The following DNAI7 variants were observed in gnomAD, a reference collection of about 807,000 sequenced individuals.
DNAI7 encodes cancer susceptibility 1.
DNAI7 carries 78 observed loss-of-function variants against 86.6 expected under a neutral mutation model. The observed-to-expected ratio is 0.90, with a 90% confidence interval of 0.75 to 1.09. The LOEUF is 1.09. Among genes scored for constraint, DNAI7 ranks in the 50% least tolerant of loss-of-function variants. DNAI7 has a pLI of 0.00. For missense variants in DNAI7, 753 were observed against 810.2 expected (o/e 0.93, Z 0.86); for synonymous variants, 274 against 273.0 (o/e 1.00, Z -0.04).
At chr12:25,179,608 C>T (rs1592676020) in intron 2 of DNAI7, among the ~76,000 whole-genome samples, 1 of 152,108 alleles carries the variant, frequency 6.6e-6, no homozygotes, top group Middle Eastern at 3.4e-3. Flanking sequence ...TCTTTATCAT[C>T]ATGCAAGGAT....
chr12:25,121,341 G>A (rs1315881070), intron 11 of DNAI7, among the ~76,000 whole-genome samples: 1 of 152,132 alleles, frequency 6.6e-6, no homozygotes, highest in Non-Finnish European at 1.5e-5. Context: ...GTGCCCATTC[G>A]TTTATACACA....
intron 14 of DNAI7, among the ~76,000 whole-genome samples, chr12:25,110,520 C>T (rs1245055704): frequency 2.0e-5 from 3 of 152,196 alleles, no homozygotes; most frequent in Non-Finnish European, 4.4e-5. Context: ...TTTGCTCTCT[C>T]AGTTCCAGGC....
At position 25,184,890 on chromosome 12, in the gene DNAI7, C is replaced by T. The variant is rs12228738; in HGVS notation, c.21+5724G>A. 6.3e-4 allele frequency among the ~76,000 whole-genome samples: 95 copies of T among 150,282 alleles called. 2 individuals carry two copies. The East Asian group carries it at 0.016, about 26-fold the overall frequency. ...ACTCATGCCTGCAATTCCAGCACTT[C>T]GGGAGGTCAAAGCAGAATTGCTTGA... On this transcript the variant is annotated intron_variant, in intron 2 of 15. Transcript: ENST00000395987.
At chr12:25,118,615 G>A (rs1940673688) in intron 12 of DNAI7, among the ~76,000 whole-genome samples, 1 of 151,824 alleles carries the variant, frequency 6.6e-6, no homozygotes, top group African/African-American at 2.4e-5. Flanking sequence ...AGGATGGAGT[G>A]CAGTGGCACC....
At chr12:25,181,304 T>TG (rs202197122) in intron 2 of DNAI7, among the ~76,000 whole-genome samples, 4,206 of 151,646 alleles carry the variant, frequency 0.028, 174 homozygotes, top group African/African-American at 0.093. Context: ...TTTGCAGAGG[T>TG]GGGGGGGTCT....
intron 13 of DNAI7, among the ~76,000 whole-genome samples, chr12:25,114,249 A>G (rs1216915004): frequency 6.6e-6 from 1 of 152,108 alleles, no homozygotes; most frequent in Non-Finnish European, 1.5e-5. Context: ...CAGGCTATGT[A>G]ATTTCTGACT....
At chr12:25,130,107 T>C (rs573162889) in intron 9 of DNAI7, among the ~76,000 whole-genome samples, 77 of 152,320 alleles carry the variant, frequency 5.1e-4, no homozygotes, top group Non-Finnish European at 9.0e-4. Flanking sequence ...TCATTGCATA[T>C]ATTAGAAGAT....
chr12:25,146,917 T>G (rs1944914394), intron 8 of DNAI7, 84 bp downstream of exon 8: 1 of 750,002 alleles, frequency 1.3e-6, no homozygotes, highest in African/African-American at 1.7e-5. Flanking sequence ...CATGCTGCTA[T>G]GCAATAGGCA....
rs1485233787 is a variant in DNAI7, at chr12:25,111,770, G to A, written c.1779+2C>T. 1 of 1,558,892 alleles carries A rather than the reference G, an allele frequency of 6.4e-7. No individual in the cohort carries two copies. The highest frequency in any genetic ancestry group is 8.7e-7 in the Non-Finnish European group (1 of 1,155,240). On this transcript the variant is annotated splice_donor_variant, in intron 14 of 15. Coordinates refer to ENST00000395987, the MANE Select transcript of DNAI7 (RefSeq NM_018272.5). LOFTEE classifies it low-confidence loss of function (GC_TO_GT_DONOR). ...ATTAAATTTGGAAAGATTCATTCTT[G>A]CCTTATTGTTTATAATAACATAAAA... is the stretch of plus-strand genomic sequence containing the variant.
intron 4 of DNAI7, among the ~76,000 whole-genome samples, chr12:25,155,780 G>A (rs571604630): frequency 9.2e-5 from 14 of 152,320 alleles, no homozygotes; most frequent in African/African-American, 3.4e-4. Flanking sequence ...CTACTTCTAG[G>A]GGGAGAGGTG....
At chr12:25,160,342 G>T (rs917956316) in intron 3 of DNAI7, among the ~76,000 whole-genome samples, 1 of 152,174 alleles carries the variant, frequency 6.6e-6, no homozygotes, top group Non-Finnish European at 1.5e-5. Context: ...ATGTCAGTAT[G>T]TTCAATTCTT....
At position 25,111,767 on chromosome 12, in the gene DNAI7, C is replaced by G; in HGVS notation, c.1779+5G>C. On this transcript the variant is annotated splice_donor_5th_base_variant and intron_variant, in intron 14 of 15. Transcript: ENST00000395987. Reference sequence around the variant, plus strand: ...CACATTAAATTTGGAAAGATTCATTCTTGCCTTATTGTTTATAATAACATA... The same window carrying G: ...CACATTAAATTTGGAAAGATTCATTGTTGCCTTATTGTTTATAATAACATA... 1 of 1,549,628 alleles carries G rather than the reference C, an allele frequency of 6.5e-7. No homozygotes were observed. Among genetic ancestry groups the G allele is most frequent in the Non-Finnish European group, 8.7e-7 (1 of 1,151,094 alleles).
intron 9 of DNAI7, among the ~76,000 whole-genome samples, chr12:25,141,953 A>C (rs1944250295): frequency 6.6e-6 from 1 of 152,192 alleles, no homozygotes; most frequent in Admixed American, 6.5e-5. Context: ...ATTCCTGAAA[A>C]AACTAAAGGT....
At chr12:25,127,651 G>A (rs1050087771) in intron 9 of DNAI7, among the ~76,000 whole-genome samples, 5 of 152,280 alleles carry the variant, frequency 3.3e-5, no homozygotes, top group East Asian at 1.9e-4. Context: ...CAATGTATAC[G>A]AGAACTGGCT....
intron 9 of DNAI7, among the ~76,000 whole-genome samples, chr12:25,125,968 A>G (rs1592265187): frequency 6.6e-6 from 1 of 152,120 alleles, no homozygotes; most frequent in Non-Finnish European, 1.5e-5. Flanking sequence ...CCATTGGTCT[A>G]TGTGCCTGTT....
intron 2 of DNAI7, among the ~76,000 whole-genome samples, chr12:25,166,470 A>G (rs1461447464): frequency 6.6e-6 from 1 of 152,090 alleles, no homozygotes; most frequent in Non-Finnish European, 1.5e-5. Context: ...TGACCCTGAC[A>G]CCCATCAGGT....
chr12:25,110,199 T>C lies in DNAI7; in HGVS notation c.1821A>G (p.Leu607=), dbSNP rs1404988302. 8.7e-6 allele frequency: 14 copies of C among 1,612,166 alleles called. No homozygotes were observed. Among genetic ancestry groups the C allele is most frequent in the African/African-American group, 1.3e-5 (1 of 74,866 alleles). Residue 607 remains leucine (L), a synonymous_variant, in exon 15 of 16, where the codon CTA becomes CTG. Coordinates refer to ENST00000395987, the MANE Select transcript of DNAI7 (RefSeq NM_018272.5). ...AACCAAATGCAAAAGCAGAACTTAG[T>C]AGGGCCATCTGTCGATAAGCTTTCA... ...VEVKAYRQMA[L]LSSAFAFGWS...
chr12:25,174,404 TGG>T (rs1303619119), intron 2 of DNAI7, among the ~76,000 whole-genome samples: 9 of 340 alleles, frequency 0.026, 4 homozygotes, highest in African/African-American at 0.071. Context: ...ATCATATATA[TGG>T]GATATATGGG....
At chr12:25,151,206 T>C (rs1945498128) in intron 6 of DNAI7, among the ~76,000 whole-genome samples, 1 of 152,320 alleles carries the variant, frequency 6.6e-6, no homozygotes, top group Non-Finnish European at 1.5e-5. Flanking sequence ...GGGCAAGTTA[T>C]TGCCTCAATT....
Sources: allele counts gnomAD v4.1 joint callset (sites outside exome capture counted in the v4.1 genomes callset), GRCh38; gene constraint gnomAD v4.1.1; transcripts MANE v1.5; gene names NCBI Gene and HGNC (gene_info 2026-07-23, HGNC 2026-07-21).